CMIP: variants seen among roughly 807,000 people sequenced by gnomAD.
The protein encoded by CMIP is C-Maf-inducing protein.
CMIP carries 13 observed loss-of-function variants against 97.3 expected under a neutral mutation model. That is an observed-to-expected ratio of 0.13 (90% confidence interval 0.09 to 0.21). The LOEUF (loss-of-function observed/expected upper bound fraction) is 0.21. Among genes scored for constraint, CMIP ranks in the 10% least tolerant of loss-of-function variants. CMIP has a pLI of 1.00. For synonymous variants in CMIP, 538 were observed against 436.3 expected, an observed-to-expected ratio of 1.23 and a Z score of -2.91; for missense variants, 847 against 1,024.9, an observed-to-expected ratio of 0.83 and a Z score of 2.37.
At chr16:81,587,263 G>A (rs755065644) in intron 1 of CMIP, among the ~76,000 whole-genome samples, 3 of 152,240 alleles carry the variant, frequency 2.0e-5, no homozygotes, top group African/African-American at 7.2e-5. Context: ...CTCTGATGGG[G>A]CCGCCCATTC....
intron 1 of CMIP, among the ~76,000 whole-genome samples, chr16:81,533,586 C>A (rs929813924): frequency 6.6e-6 from 1 of 152,196 alleles, no homozygotes; most frequent in Admixed American, 6.5e-5. Context: ...TCAAGCAGTT[C>A]TCCTGTCTCA....
At chr16:81,495,627 T>A in intron 1 of CMIP, 1 of 872,590 alleles carries the variant, frequency 1.1e-6, no homozygotes, top group South Asian at 1.6e-5. Context: ...TGTCTGCTAA[T>A]CTGAGAGACC....
intron 1 of CMIP, among the ~76,000 whole-genome samples, chr16:81,553,572 CT>C (rs1403507253): frequency 6.6e-6 from 1 of 152,196 alleles, no homozygotes; most frequent in East Asian, 1.9e-4. Context: ...CCTGTGGCTC[CT>C]TTCACCCGGC....
intron 2 of CMIP, among the ~76,000 whole-genome samples, chr16:81,615,992 C>T (rs1393637316): frequency 3.9e-5 from 6 of 151,918 alleles, no homozygotes; most frequent in African/African-American, 1.5e-4. Flanking sequence ...GCCAGCTTTC[C>T]TTCTCGTCGC....
intron 10 of CMIP, among the ~76,000 whole-genome samples, chr16:81,690,441 AG>A (rs1202549039): frequency 1.3e-5 from 2 of 152,226 alleles, no homozygotes; most frequent in Non-Finnish European, 2.9e-5. Flanking sequence ...GTTGTCTGAA[AG>A]CAAAAATAGA....
intron 10 of CMIP, among the ~76,000 whole-genome samples, chr16:81,682,689 G>A (rs954445343): frequency 2.6e-5 from 4 of 152,244 alleles, no homozygotes; most frequent in Admixed American, 6.5e-5. Flanking sequence ...AGTGCAGGTC[G>A]CAGGGTGCAC....
chr16:81,446,954 C>A (rs969707247), intron 1 of CMIP, among the ~76,000 whole-genome samples: 11 of 151,446 alleles, frequency 7.3e-5, no homozygotes, highest in African/African-American at 2.4e-4. Flanking sequence ...CACGTTGGTG[C>A]AATATCTGCA....
chr16:81,553,702 A>C (rs1369824163), intron 1 of CMIP, among the ~76,000 whole-genome samples: 1 of 152,192 alleles, frequency 6.6e-6, no homozygotes, highest in African/African-American at 2.4e-5. Flanking sequence ...GCCAGATGCC[A>C]TTTGTGTTTT....
chr16:81,532,227 C>T (rs1007746432), intron 1 of CMIP, among the ~76,000 whole-genome samples: 8 of 152,314 alleles, frequency 5.3e-5, no homozygotes, highest in South Asian at 2.1e-4. Context: ...ACGCTGGCCA[C>T]GGATCACCTC....
Position 81,599,361 on chromosome 16 carries a change from G to A in CMIP, c.301-8206G>A, listed in dbSNP as rs980994075. Among the ~76,000 whole-genome samples, 15 of 152,310 alleles carry A rather than the reference G, an allele frequency of 9.8e-5. 1 individual carries two copies. In the East Asian group the frequency reaches 1.5e-3, roughly 16 times the overall value. ...ATCATATCGTTACCTGCCACTTTGCGTTTGCTGTATGACTTTCCGTTTGTG... is the reference window on the plus strand; with the variant it reads ...ATCATATCGTTACCTGCCACTTTGCATTTGCTGTATGACTTTCCGTTTGTG... On this transcript the variant is annotated intron_variant, in intron 1 of 20. Coordinates refer to ENST00000537098, the MANE Select transcript of CMIP (RefSeq NM_198390.3).
chr16:81,667,356 A>G lies in CMIP; in HGVS notation c.826-2786A>G, dbSNP rs370442613. The G allele has an allele frequency of 5.9e-5, 9 of 152,326 alleles. No individual in the cohort carries two copies. In the South Asian group the frequency reaches 1.7e-3, roughly 28 times the overall value. 9.4% of individuals were successfully genotyped at this position (152,326 alleles called of 1,614,324 possible). A position where few individuals can be genotyped will look rare whatever the true frequency, so the allele number is the denominator to read the frequency against. On this transcript the variant is annotated intron_variant, in intron 7 of 20. Coordinates refer to ENST00000537098, the MANE Select transcript of CMIP (RefSeq NM_198390.3). ...ACTGCGTTCTGAAGAATGACCATGT[A>G]TCTCTGTGCCCCCACGCCACTCGGA...
chr16:81,451,378 G>A (rs745978977), intron 1 of CMIP, among the ~76,000 whole-genome samples: 6 of 152,180 alleles, frequency 3.9e-5, no homozygotes, highest in Non-Finnish European at 7.3e-5. Flanking sequence ...CCCCAGCCAC[G>A]TGGAACTGTG....
chr16:81,551,415 T>A (rs1403554055), intron 1 of CMIP, among the ~76,000 whole-genome samples: 3 of 152,240 alleles, frequency 2.0e-5, no homozygotes, highest in Non-Finnish European at 4.4e-5. Flanking sequence ...ATCCATTGGC[T>A]TCCTGGAATC....
chr16:81,652,400 G>T lies in CMIP; in HGVS notation c.639+36G>T. 2 of 1,572,650 alleles carry T rather than the reference G, an allele frequency of 1.3e-6. No individual in the cohort carries two copies. Among genetic ancestry groups the T allele is most frequent in the South Asian group, 2.3e-5 (2 of 88,000 alleles). On this transcript the variant is annotated intron_variant, in intron 4 of 20. Coordinates refer to ENST00000537098, the MANE Select transcript of CMIP (RefSeq NM_198390.3). The surrounding 1 kb of genome is among the most constrained non-coding windows in gnomAD (Gnocchi z 5.2). ...TCCCCTGGACCCCTTTACATTGTTT[G>T]CCTTTCCCTCCACCGATCACCGGCT...
Position 81,701,896 on chromosome 16 carries a change from C to T in CMIP, c.1896+96C>T, listed in dbSNP as rs542775704. Reference sequence around the variant, plus strand: ...CAGCTAGTACTTGGACCTGAGTGGACCTCAATCTCGTTGAATTCTCCTCCA... The same window carrying T: ...CAGCTAGTACTTGGACCTGAGTGGATCTCAATCTCGTTGAATTCTCCTCCA... On this transcript the variant is annotated intron_variant, in intron 16 of 20. Transcript: ENST00000537098. 9.6e-6 allele frequency: 14 copies of T among 1,462,096 alleles called. 1 individual carries two copies. The South Asian group carries it at 1.4e-4, about 15-fold the overall frequency. 90.6% of individuals were successfully genotyped at this position (1,462,096 alleles called of 1,614,324 possible). A position where few individuals can be genotyped will look rare whatever the true frequency, so the allele number is the denominator to read the frequency against.
At chr16:81,659,392 C>A (rs1019232850) in intron 5 of CMIP, among the ~76,000 whole-genome samples, 1 of 151,930 alleles carries the variant, frequency 6.6e-6, no homozygotes, top group South Asian at 2.2e-4. Flanking sequence ...AGGTACTTAA[C>A]CTCTGTCAGG....
chr16:81,558,200 A>G (rs1283622630), intron 1 of CMIP, among the ~76,000 whole-genome samples: 3 of 152,146 alleles, frequency 2.0e-5, no homozygotes, highest in African/African-American at 7.2e-5. Context: ...CCATCAGAGG[A>G]CACGAGGTTG....
intron 3 of CMIP, among the ~76,000 whole-genome samples, chr16:81,629,248 C>T (rs1183591701): frequency 6.7e-6 from 1 of 150,164 alleles, no homozygotes; most frequent in Non-Finnish European, 1.5e-5. Context: ...TCTTGCACGT[C>T]ATCAGCACAG....
At chr16:81,665,233 T>G (rs556888203) in intron 7 of CMIP, 1 of 152,220 alleles carries the variant, frequency 6.6e-6, no homozygotes, top group African/African-American at 2.4e-5. Flanking sequence ...TGGTGTTCCC[T>G]CATCATTCCA....
Sources: allele counts gnomAD v4.1 joint callset (sites outside exome capture counted in the v4.1 genomes callset), GRCh38; gene constraint gnomAD v4.1.1; non-coding constraint Gnocchi (gnomAD v3.1); transcripts MANE v1.5; gene names NCBI Gene and HGNC (gene_info 2026-07-23, HGNC 2026-07-21).